Variants in RNF44 observed in about 807,000 individuals in gnomAD.
The protein encoded by RNF44 is ring finger protein 44.
A neutral mutation model predicts 53.6 loss-of-function variants in RNF44; 25 were observed. The ratio of observed to expected loss-of-function variants is 0.47; its 90% CI spans 0.34 to 0.65. RNF44 has a LOEUF of 0.65. Ranked by LOEUF, RNF44 falls within the 30% of genes least tolerant of loss-of-function variation. The pLI, the probability that RNF44 is intolerant of heterozygous loss-of-function variation, is 0.01. For synonymous variants in RNF44, 282 were observed against 252.2 expected, an observed-to-expected ratio of 1.12 and a Z score of -1.12; for missense variants, 581 against 595.5, an observed-to-expected ratio of 0.98 and a Z score of 0.25.
At chr5:176,536,588 G>C (rs571989598) in intron 1 of RNF44, among the ~76,000 whole-genome samples, 15 of 152,218 alleles carry the variant, frequency 9.9e-5, no homozygotes, top group South Asian at 4.1e-4. Flanking sequence ...GGCGGGAGGC[G>C]AGACTGCAGC....
At chr5:176,535,547 G>A (rs1470749964) in intron 1 of RNF44, among the ~76,000 whole-genome samples, 1 of 152,170 alleles carries the variant, frequency 6.6e-6, no homozygotes, top group African/African-American at 2.4e-5. Flanking sequence ...AGTTACTCTA[G>A]GCCACAAGAC....
chr5:176,541,691 A>C (rs1337214027), upstream of RNF44, among the ~76,000 whole-genome samples: 1 of 152,104 alleles, frequency 6.6e-6, no homozygotes, highest in Non-Finnish European at 1.5e-5. Context: ...TAGGGTTCTC[A>C]CCTACCCCAG....
intron 1 of RNF44, among the ~76,000 whole-genome samples, chr5:176,533,517 C>A (rs1756898316): frequency 6.6e-6 from 1 of 152,172 alleles, no homozygotes; most frequent in African/African-American, 2.4e-5. Flanking sequence ...AGAGGACCAG[C>A]CCCAGGCTTC....
upstream of RNF44, among the ~76,000 whole-genome samples, chr5:176,541,280 A>G (rs1192842193): frequency 6.6e-6 from 1 of 152,196 alleles, no homozygotes; most frequent in East Asian, 1.9e-4. Context: ...GCTGGCCACC[A>G]GCATTGGCCC....
chr5:176,537,421 GCC>G (rs1469721953), upstream of RNF44: 2 of 151,742 alleles, frequency 1.3e-5, no homozygotes, highest in Non-Finnish European at 2.9e-5. Flanking sequence ...CCCGCCCCGC[GCC>G]GGGAGCTCCG....
chr5:176,529,232 C>T, intron 10 of RNF44, 56 bp downstream of exon 10: 1 of 1,566,752 alleles, frequency 6.4e-7, no homozygotes, highest in South Asian at 1.1e-5. Context: ...CCCAGGCCAG[C>T]CCATCCCCCC....
At chr5:176,542,323 G>A (rs1412824135), upstream of RNF44, among the ~76,000 whole-genome samples, 2 of 152,108 alleles carry the variant, frequency 1.3e-5, no homozygotes, top group African/African-American at 4.8e-5. Context: ...TTGTCCAGGT[G>A]TGAAGCTGGG....
chr5:176,535,631 G>C (rs2113181737), intron 1 of RNF44, among the ~76,000 whole-genome samples: 1 of 152,342 alleles, frequency 6.6e-6, no homozygotes, highest in Non-Finnish European at 1.5e-5. Flanking sequence ...TGTGGCATCA[G>C]TAGCTGGAGG....
Position 176,531,036 on chromosome 5 carries a change from G to T in RNF44, c.466-15C>A. 7.0e-7 allele frequency: 1 copy of T among 1,438,504 alleles called. No homozygotes were observed. Among genetic ancestry groups the T allele is most frequent in the Non-Finnish European group, 9.1e-7 (1 of 1,097,782 alleles). The allele number at this position is 1,438,504 out of a possible 1,614,324, so 89.1% of individuals were successfully genotyped here. A position where few individuals can be genotyped will look rare whatever the true frequency, so the allele number is the denominator to read the frequency against. On this transcript the variant is annotated splice_polypyrimidine_tract_variant and intron_variant, in intron 4 of 10. Coordinates refer to ENST00000274811, the MANE Select transcript of RNF44 (RefSeq NM_014901.5). The surrounding 1 kb of genome is among the most constrained non-coding windows in gnomAD (Gnocchi z 4.2). ...GCCTGGATAAGCTGCCAAGAGAGGGGGCAGGGGGCTGAGAACGTTCTCCTG... is the reference window on the plus strand; with the variant it reads ...GCCTGGATAAGCTGCCAAGAGAGGGTGCAGGGGGCTGAGAACGTTCTCCTG...
chr5:176,532,327 C>A (rs776397326), intron 2 of RNF44, 39 bp downstream of exon 2: 2 of 1,570,892 alleles, frequency 1.3e-6, no homozygotes, highest in South Asian at 2.3e-5. Context: ...CCTGCTGGCC[C>A]CCATGCCCCA....
chr5:176,531,853 C>T lies in RNF44; in HGVS notation c.297+151G>A, dbSNP rs992234654. On this transcript the variant is annotated intron_variant, in intron 3 of 10. Transcript: ENST00000274811. This position sits in a 1 kb window ranked among gnomAD's most constrained non-coding sequence, Gnocchi z 4.2. ...TAGTCACCCAGTGTGGCCCTTTCCC[C>T]GGGCCTCAGTTTACCTACCTGTAAA... is the stretch of plus-strand genomic sequence containing the variant. The T allele has an allele frequency of 5.1e-5, 48 of 944,660 alleles. No individual in the cohort carries two copies. Among genetic ancestry groups the T allele is most frequent in the African/African-American group, 3.5e-4 (21 of 60,046 alleles). 58.5% of individuals were successfully genotyped at this position (944,660 alleles called of 1,614,324 possible).
chr5:176,534,699 G>A (rs948386723), intron 1 of RNF44, among the ~76,000 whole-genome samples: 1 of 152,220 alleles, frequency 6.6e-6, no homozygotes, highest in Non-Finnish European at 1.5e-5. Context: ...TAGTTCTGCT[G>A]GTGCAGAACA....
upstream of RNF44, among the ~76,000 whole-genome samples, chr5:176,541,192 G>C (rs1270098221): frequency 6.6e-6 from 1 of 152,186 alleles, no homozygotes; most frequent in Non-Finnish European, 1.5e-5. Flanking sequence ...AGGTTCTATG[G>C]GGGAAATGGG....
chr5:176,530,366 C>G (rs13174865), intron 6 of RNF44, among the ~76,000 whole-genome samples, 160 bp from the exon 7 acceptor site: 1,256 of 37,546 alleles, frequency 0.033, 100 homozygotes, highest in Admixed American at 0.058. Context: ...CCGGAGCCCA[C>G]GTGCAAGTCA....
At chr5:176,540,529 C>T (rs775434034), upstream of RNF44, among the ~76,000 whole-genome samples, 6 of 152,252 alleles carry the variant, frequency 3.9e-5, no homozygotes, top group Non-Finnish European at 7.3e-5. Flanking sequence ...TGCCGGCTTG[C>T]GCTGGCTTCC....
rs1018808086 is a variant in RNF44, at chr5:176,528,857, A to G, written c.*171T>C. Reference sequence around the variant, plus strand: ...GGAGTCTTTGGAGCTTGGCAAATGCAGGGGCTTATTGCAGGGACTCCTCGC... The same window carrying G: ...GGAGTCTTTGGAGCTTGGCAAATGCGGGGGCTTATTGCAGGGACTCCTCGC... On this transcript the variant is annotated 3_prime_UTR_variant, in exon 11 of 11. Transcript: ENST00000274811. The G allele has an allele frequency of 1.2e-5, 8 of 640,606 alleles. No homozygotes were observed. In the African/African-American group the frequency reaches 1.3e-4, roughly 10 times the overall value. 39.7% of individuals were successfully genotyped at this position (640,606 alleles called of 1,614,324 possible).
chr5:176,541,919 C>T (rs377475619), upstream of RNF44, among the ~76,000 whole-genome samples: 2 of 152,212 alleles, frequency 1.3e-5, no homozygotes, highest in South Asian at 2.1e-4. Context: ...AGCATCAGAG[C>T]AGGGCCCAGA....
At chr5:176,536,291 C>A (rs1194644036) in intron 1 of RNF44, 3 of 152,318 alleles carry the variant, frequency 2.0e-5, no homozygotes. Flanking sequence ...TCAGTTGGCA[C>A]AGCTATAAAA....
At chr5:176,529,191 G>C in intron 10 of RNF44, 97 bp downstream of exon 10, 1 of 1,555,098 alleles carries the variant, frequency 6.4e-7, no homozygotes, top group Non-Finnish European at 8.8e-7. Flanking sequence ...CAGAACTTCC[G>C]AGATGATGAC....
Sources: gnomAD v4.1 joint callset for allele counts (sites outside exome capture counted in the v4.1 genomes callset) on GRCh38, gnomAD v4.1.1 for gene constraint, Gnocchi (gnomAD v3.1) non-coding constraint, MANE v1.5 for transcripts, NCBI Gene and HGNC (gene_info 2026-07-23, HGNC 2026-07-21) for gene names.